Variants in NCKAP5 observed in about 807,000 individuals in gnomAD.
NCKAP5 encodes nck-associated protein 5.
In NCKAP5, 92 loss-of-function variants were observed where a neutral mutation model predicts 167.0. The ratio of observed to expected loss-of-function variants is 0.55; its 90% CI spans 0.47 to 0.66. NCKAP5 has a LOEUF of 0.66. Ranked by LOEUF, NCKAP5 falls within the 30% of genes least tolerant of loss-of-function variation. NCKAP5 has a pLI of 0.00. For synonymous variants in NCKAP5, 891 were observed against 877.4 expected (o/e 1.02, Z -0.27); for missense variants, 2,378 against 2,315.0 (o/e 1.03, Z -0.56).
chr2:133,058,524 A>C (rs938611651), intron 6 of NCKAP5, among the ~76,000 whole-genome samples: 2 of 152,200 alleles, frequency 1.3e-5, no homozygotes, highest in Non-Finnish European at 2.9e-5. Context: ...TCAGTGGTAT[A>C]AGTAACTACA....
intron 16 of NCKAP5, among the ~76,000 whole-genome samples, chr2:132,745,987 G>T (rs1679606666): frequency 6.6e-6 from 1 of 151,898 alleles, no homozygotes; most frequent in South Asian, 2.1e-4. Context: ...AAATTGTTCG[G>T]ATATCAATTC....
chr2:132,956,840 A>C (rs1000083334), intron 8 of NCKAP5, among the ~76,000 whole-genome samples: 2 of 152,136 alleles, frequency 1.3e-5, no homozygotes, highest in Non-Finnish European at 2.9e-5. Flanking sequence ...CCCTTGGAGC[A>C]CTTTCTTCTT....
chr2:133,663,272 CAAA>C, the NCKAP5 span, among the ~76,000 whole-genome samples: 126 of 98,082 alleles, frequency 1.3e-3, no homozygotes, highest in East Asian at 7.6e-3. Context: ...GACTCCGTCT[CAAA>C]AAAAAAAAAA....
the NCKAP5 span, among the ~76,000 whole-genome samples, chr2:133,652,638 G>A: frequency 6.6e-6 from 1 of 152,188 alleles, no homozygotes; most frequent in Non-Finnish European, 1.5e-5. Context: ...CTGTTCTGCA[G>A]TTTCTCTCTG....
intron 8 of NCKAP5, among the ~76,000 whole-genome samples, chr2:132,892,707 CTG>C (rs1342674542): frequency 6.6e-6 from 1 of 152,088 alleles, no homozygotes; most frequent in Non-Finnish European, 1.5e-5. Flanking sequence ...CCCCCAAACT[CTG>C]AGGTAGATAG....
At chr2:132,805,229 C>T (rs948415642) in intron 11 of NCKAP5, among the ~76,000 whole-genome samples, 1 of 152,022 alleles carries the variant, frequency 6.6e-6, no homozygotes, top group African/African-American at 2.4e-5. Flanking sequence ...AACTATCATA[C>T]CTGTCTTGCA....
the NCKAP5 span, among the ~76,000 whole-genome samples, chr2:133,622,425 A>C: frequency 6.6e-6 from 1 of 152,164 alleles, no homozygotes; most frequent in South Asian, 2.1e-4. Flanking sequence ...CTAGTAAATG[A>C]ATTCAGCAAA....
At chr2:133,306,154 G>A (rs1329506486) in intron 3 of NCKAP5, among the ~76,000 whole-genome samples, 1 of 152,220 alleles carries the variant, frequency 6.6e-6, no homozygotes. Context: ...TGGTAGCATT[G>A]GGGCTGGCAG....
chr2:133,580,049 G>C, the NCKAP5 span, among the ~76,000 whole-genome samples: 1 of 152,102 alleles, frequency 6.6e-6, no homozygotes, highest in Non-Finnish European at 1.5e-5. Flanking sequence ...CAAACCAGTG[G>C]CCCGTCATTA....
chr2:132,888,580 G>T (rs528464627), intron 8 of NCKAP5, among the ~76,000 whole-genome samples: 129 of 152,060 alleles, frequency 8.5e-4, no homozygotes, highest in African/African-American at 3.0e-3. Context: ...TAGTAGAGAT[G>T]GGACTTCACC....
Position 132,954,177 on chromosome 2 carries a change from G to A in NCKAP5, c.579+9543C>T, listed in dbSNP as rs141078771. On this transcript the variant is annotated intron_variant, in intron 8 of 19. Coordinates refer to ENST00000409261, the MANE Select transcript of NCKAP5 (RefSeq NM_207363.3). ...GCAACTGAAAGAGTAATCACAAATA[G>A]AATACCTTGAAGGAATACTAAGATT... 4.5e-4 allele frequency among the ~76,000 whole-genome samples: 68 copies of A among 152,234 alleles called. No individual in the cohort carries two copies. In the Middle Eastern group the frequency reaches 0.017, roughly 38 times the overall value.
chr2:133,192,551 G>A (rs542890128), intron 5 of NCKAP5, among the ~76,000 whole-genome samples: 8 of 150,834 alleles, frequency 5.3e-5, no homozygotes, highest in South Asian at 2.1e-4. Context: ...CTCAAAGCTC[G>A]AAAGAAAAAA....
intron 6 of NCKAP5, among the ~76,000 whole-genome samples, chr2:132,997,977 T>G (rs993585472): frequency 2.4e-4 from 37 of 152,308 alleles, no homozygotes; most frequent in African/African-American, 8.4e-4. Context: ...GTCCTAAGAC[T>G]TGCCCAAGAT....
At chr2:132,696,969 C>G (rs1687379307) in intron 19 of NCKAP5, among the ~76,000 whole-genome samples, 1 of 152,164 alleles carries the variant, frequency 6.6e-6, no homozygotes, top group Non-Finnish European at 1.5e-5. Flanking sequence ...TTCACTGCAG[C>G]CTGGACTTCC....
intron 3 of NCKAP5, among the ~76,000 whole-genome samples, chr2:133,497,905 T>A (rs534437778): frequency 6.6e-6 from 1 of 152,122 alleles, no homozygotes; most frequent in Non-Finnish European, 1.5e-5. Context: ...TTCTCAAAGA[T>A]AGAAAGAACC....
At chr2:133,521,739 C>T (rs2104774742) in intron 2 of NCKAP5, among the ~76,000 whole-genome samples, 1 of 152,314 alleles carries the variant, frequency 6.6e-6, no homozygotes, top group African/African-American at 2.4e-5. Flanking sequence ...CCTTAATTAC[C>T]TCCTTAAATG....
chr2:132,952,361 T>C (rs942264277), intron 8 of NCKAP5, among the ~76,000 whole-genome samples: 5 of 152,208 alleles, frequency 3.3e-5, no homozygotes, highest in Non-Finnish European at 5.9e-5. Context: ...TGCAGATTAA[T>C]TCTTGACATA....
rs953105070 is a variant in NCKAP5, at chr2:133,315,681, G to A, written c.70-12571C>T. ...AGAGGCCAGTGAGGGAGGAACAGGA[G>A]AAGGTGTTCTAAGAAGAAAGTAGTG... is the stretch of plus-strand genomic sequence containing the variant. On this transcript the variant is annotated intron_variant, in intron 3 of 19. Coordinates refer to ENST00000409261, the MANE Select transcript of NCKAP5 (RefSeq NM_207363.3). Among the ~76,000 whole-genome samples, 39 of 152,078 alleles carry A rather than the reference G, an allele frequency of 2.6e-4. No homozygotes were observed. The South Asian group carries it at 6.2e-3, about 24-fold the overall frequency.
In NCKAP5 at chr2:132,785,368, G is replaced by C; in HGVS notation, c.1443C>G (p.Asp481Glu). Residue 481 changes from aspartate (D) to glutamate (E), a missense_variant, in exon 14 of 20, where the codon GAC (aspartate) becomes GAG (glutamate). By Grantham distance (45) the Asp-to-Glu change is conservative. Around this residue, in one of 3 missense-constraint regions of NCKAP5, gnomAD observed 1,049 missense variants for 1,023.4 expected, o/e 1.02. Transcript: ENST00000409261. ...DLDSHVDADD[D>E]PSTLALLQAV... ...CTTGGAGCAATGCTAAGGTGGAAGG[G>C]TCATCGTCCGCATCAACGTGGGAAT... The C allele has an allele frequency of 6.2e-7, 1 of 1,613,982 alleles. No homozygotes were observed. The highest frequency in any genetic ancestry group is 8.5e-7 in the Non-Finnish European group (1 of 1,179,900).
Sources: allele counts gnomAD v4.1 joint callset (sites outside exome capture counted in the v4.1 genomes callset), GRCh38; gene constraint gnomAD v4.1.1; regional missense constraint gnomAD v4.1.1; transcripts MANE v1.5; gene names NCBI Gene and HGNC (gene_info 2026-07-23, HGNC 2026-07-21).